PRKG2: variants seen among roughly 807,000 people sequenced by gnomAD.
PRKG2 encodes the protein cGMP-dependent protein kinase 2.
In PRKG2, 33 loss-of-function variants were observed where a neutral mutation model predicts 97.2. The observed-to-expected ratio is 0.34, with a 90% CI of 0.26 to 0.45. The LOEUF (loss-of-function observed/expected upper bound fraction) is 0.45, where lower values mean the gene tolerates loss of function less well. Ranked by LOEUF, PRKG2 falls within the 20% of genes least tolerant of loss-of-function variation. The probability of loss-of-function intolerance (pLI) is 1.00; values close to 1 mark genes in which losing one functional copy is unlikely to be tolerated. For synonymous variants in PRKG2, 330 were observed against 321.8 expected, an observed-to-expected ratio of 1.03 and a Z score of -0.27; for missense variants, 638 against 900.0, an observed-to-expected ratio of 0.71 and a Z score of 3.73.
At chr4:81,119,250 AC>A (rs1744843532) in intron 14 of PRKG2, among the ~76,000 whole-genome samples, 1 of 152,174 alleles carries the variant, frequency 6.6e-6, no homozygotes, top group East Asian at 1.9e-4. Flanking sequence ...TTTGCATTAT[AC>A]ATTTAGGTCT....
At chr4:81,152,960 A>T (rs952571311) in intron 7 of PRKG2, among the ~76,000 whole-genome samples, 3 of 152,178 alleles carry the variant, frequency 2.0e-5, no homozygotes, top group Non-Finnish European at 4.4e-5. Context: ...TCCATATAAC[A>T]TATGTAAAAA....
intron 1 of PRKG2, among the ~76,000 whole-genome samples, chr4:81,205,919 T>A (rs1753622782): frequency 6.6e-6 from 1 of 152,212 alleles, no homozygotes; most frequent in Non-Finnish European, 1.5e-5. Flanking sequence ...TTATAAGGGA[T>A]GATTTAGTTT....
intron 12 of PRKG2, 31 bp from the exon 13 acceptor site, chr4:81,137,513 T>A (rs767612650): frequency 6.5e-7 from 1 of 1,548,906 alleles, no homozygotes; most frequent in Admixed American, 1.7e-5. Context: ...ATGGTTATTA[T>A]TGGAAATCTA....
At chr4:81,199,119 A>G (rs1018421754) in intron 2 of PRKG2, among the ~76,000 whole-genome samples, 2 of 152,108 alleles carry the variant, frequency 1.3e-5, no homozygotes, top group African/African-American at 4.8e-5. Flanking sequence ...CTGTATATAC[A>G]CTCTTAAAAA....
chr4:81,108,553 G>T (rs1743591697), intron 15 of PRKG2, among the ~76,000 whole-genome samples: 1 of 147,286 alleles, frequency 6.8e-6, no homozygotes, highest in Admixed American at 6.8e-5. Context: ...CCTTTCTCAT[G>T]CCCTACCCAG....
intron 6 of PRKG2, among the ~76,000 whole-genome samples, chr4:81,163,570 T>C (rs898500954): frequency 1.3e-5 from 2 of 152,186 alleles, no homozygotes; most frequent in Non-Finnish European, 2.9e-5. Flanking sequence ...TTCCTCTAAA[T>C]TGGTTTCATA....
chr4:81,204,980 G>C lies in PRKG2; in HGVS notation c.68C>G (p.Thr23Ser), dbSNP rs148254773. Residue 23 changes from threonine to serine, a missense_variant, in exon 2 of 19, where the codon ACT (threonine) becomes AGT (serine). Physicochemically the swap from Thr to Ser is moderately conservative, Grantham distance 58 (BLOSUM62 1). Around this residue, in one of 3 missense-constraint regions of PRKG2, gnomAD observed 332 missense variants for 421.7 expected, o/e 0.79. Coordinates refer to ENST00000264399, the MANE Select transcript of PRKG2 (RefSeq NM_006259.3). ...TGTCACCTTGTTCCGCAGAGCATCA[G>C]TGGTGAGGTTCCCAGAGTGTCCATC... ...HPDGHSGNLT[T>S]DALRNKVTEL... 1,326 of 1,613,966 alleles carry C rather than the reference G, an allele frequency of 8.2e-4. 1 individual carries two copies. The highest frequency in any genetic ancestry group is 1.0e-3 in the Non-Finnish European group (1,230 of 1,180,040).
At chr4:81,206,578 T>G (rs1387054055) in intron 1 of PRKG2, among the ~76,000 whole-genome samples, 1 of 152,154 alleles carries the variant, frequency 6.6e-6, no homozygotes, top group Non-Finnish European at 1.5e-5. Flanking sequence ...GAGAACAGAC[T>G]AATACAACAG....
intron 14 of PRKG2, among the ~76,000 whole-genome samples, chr4:81,126,902 T>C (rs1349118369): frequency 6.6e-6 from 1 of 152,212 alleles, no homozygotes; most frequent in East Asian, 1.9e-4. Flanking sequence ...ATTTTGGCTT[T>C]GGTTGCCATT....
In PRKG2 at chr4:81,204,983, G is replaced by A. The variant is rs34956759; in HGVS notation, c.65C>T (p.Thr22Ile). ...CACCTTGTTCCGCAGAGCATCAGTG[G>A]TGAGGTTCCCAGAGTGTCCATCTGG... ...KHPDGHSGNL[T>I]TDALRNKVTE... Residue 22 changes from threonine (T) to isoleucine (I), a missense_variant, in exon 2 of 19, where the codon ACC becomes ATC. Thr to Ile is a moderately conservative substitution (Grantham distance 89, BLOSUM62 -1). Around this residue, in one of 3 missense-constraint regions of PRKG2, gnomAD observed 332 missense variants for 421.7 expected, o/e 0.79. Coordinates refer to ENST00000264399, the MANE Select transcript of PRKG2 (RefSeq NM_006259.3). 6.2e-7 allele frequency: 1 copy of A among 1,614,052 alleles called. No homozygotes were observed. The highest frequency in any genetic ancestry group is 1.1e-5 in the South Asian group (1 of 91,078).
chr4:81,141,964 C>A (rs1043856714), intron 11 of PRKG2, among the ~76,000 whole-genome samples: 1 of 152,118 alleles, frequency 6.6e-6, no homozygotes, highest in Non-Finnish European at 1.5e-5. Context: ...CCAAAGCCAG[C>A]CAGCAGACCA....
At chr4:81,213,407 C>G (rs1754109329) in intron 1 of PRKG2, among the ~76,000 whole-genome samples, 1 of 152,086 alleles carries the variant, frequency 6.6e-6, no homozygotes, top group Admixed American at 6.5e-5. Flanking sequence ...GGAGAAGCAT[C>G]AGAAAGGCCA....
intron 5 of PRKG2, among the ~76,000 whole-genome samples, chr4:81,169,113 T>G (rs1018621201): frequency 1.3e-5 from 2 of 151,992 alleles, no homozygotes; most frequent in African/African-American, 4.8e-5. Context: ...AGGTACAGAA[T>G]AGTTCACAAA....
At chr4:81,143,589 G>C (rs1418536255) in intron 10 of PRKG2, among the ~76,000 whole-genome samples, 2 of 152,040 alleles carry the variant, frequency 1.3e-5, no homozygotes, top group African/African-American at 4.8e-5. Flanking sequence ...GGCCTTCAGC[G>C]TAAAAATTGC....
At chr4:81,098,726 T>C (rs746198717) in intron 17 of PRKG2, among the ~76,000 whole-genome samples, 3 of 152,148 alleles carry the variant, frequency 2.0e-5, no homozygotes, top group Admixed American at 6.6e-5. Context: ...TCGATGAAGT[T>C]TGGCATCTTA....
At position 81,100,804 on chromosome 4, in the gene PRKG2, T is replaced by C. The variant is rs1406847098; in HGVS notation, c.2126+3566A>G. Among the ~76,000 whole-genome samples the C allele has an allele frequency of 2.6e-5, 4 of 152,162 alleles. No homozygotes were observed. In the East Asian group the frequency reaches 7.7e-4, roughly 29 times the overall value. ...AACCTACAGAATGGGAGAACATTTCTGCAATCTACTCATCTGACAAAGGGC... is the reference window on the plus strand; with the variant it reads ...AACCTACAGAATGGGAGAACATTTCCGCAATCTACTCATCTGACAAAGGGC... On this transcript the variant is annotated intron_variant, in intron 17 of 18. Coordinates refer to ENST00000264399, the MANE Select transcript of PRKG2 (RefSeq NM_006259.3).
chr4:81,178,659 A>G (rs1327498790), intron 2 of PRKG2, among the ~76,000 whole-genome samples: 1 of 151,968 alleles, frequency 6.6e-6, no homozygotes, highest in East Asian at 1.9e-4. Context: ...ATATATTTAT[A>G]GAAGATTGGA....
chr4:81,184,507 A>C (rs1751703314), intron 2 of PRKG2, among the ~76,000 whole-genome samples: 1 of 152,206 alleles, frequency 6.6e-6, no homozygotes, highest in Non-Finnish European at 1.5e-5. Context: ...ATCAAAGACC[A>C]AAGTAGATAA....
At chr4:81,196,493 T>G (rs1375949455) in intron 2 of PRKG2, among the ~76,000 whole-genome samples, 1 of 152,204 alleles carries the variant, frequency 6.6e-6, no homozygotes, top group African/African-American at 2.4e-5. Context: ...TCTTCTCACT[T>G]GTACTTCCTC....
Sources: gnomAD v4.1 joint callset for allele counts (sites outside exome capture counted in the v4.1 genomes callset) on GRCh38, gnomAD v4.1.1 for gene constraint, gnomAD v4.1.1 regional missense constraint, MANE v1.5 for transcripts, NCBI Gene and HGNC (gene_info 2026-07-23, HGNC 2026-07-21) for gene names.